Variants in MIS18BP1 observed in about 807,000 individuals in gnomAD.
The protein encoded by MIS18BP1 is mis18-binding protein 1.
MIS18BP1 carries 72 observed loss-of-function variants against 116.1 expected under a neutral mutation model. The observed-to-expected ratio is 0.62, with a 90% CI of 0.51 to 0.75. MIS18BP1 has a LOEUF of 0.75. Ranked by LOEUF, MIS18BP1 falls within the 30% of genes least tolerant of loss-of-function variation. The pLI is 0.00. For synonymous variants in MIS18BP1, 386 were observed against 427.0 expected (o/e 0.90, Z 1.18); for missense variants, 1,363 against 1,303.2 (o/e 1.05, Z -0.71).
intron 11 of MIS18BP1, among the ~76,000 whole-genome samples, chr14:45,219,121 T>A (rs186681857): frequency 1.6e-4 from 25 of 152,304 alleles, no homozygotes; most frequent in African/African-American, 5.8e-4. Flanking sequence ...GTGGTTAGAT[T>A]GACAATTTAG....
At position 45,206,180 on chromosome 14, in the gene MIS18BP1, T is replaced by C; in HGVS notation, c.3153-10A>G. The stretch of plus-strand genomic sequence containing the variant: ...TTTATCACAGTCATTCCTGTTTGAA[T>C]ACGAAATAATTTTAAGTCAACAATA... On this transcript the variant is annotated splice_polypyrimidine_tract_variant and intron_variant, in intron 14 of 16. Coordinates refer to ENST00000310806, the MANE Select transcript of MIS18BP1 (RefSeq NM_018353.5). The C allele has an allele frequency of 6.5e-7, 1 of 1,547,906 alleles. No individual in the cohort carries two copies. The highest frequency in any genetic ancestry group is 1.2e-5 in the South Asian group (1 of 86,402).
In MIS18BP1 at chr14:45,222,220, CATTTA is replaced by C. The variant is rs1386646203; in HGVS notation, c.2669+1693_2669+1697del. Among the ~76,000 whole-genome samples the C allele has an allele frequency of 4.6e-5, 7 of 151,960 alleles. No homozygotes were observed. In the East Asian group the frequency reaches 1.4e-3, roughly 29 times the overall value. On this transcript the variant is annotated intron_variant, in intron 11 of 16. Coordinates refer to ENST00000310806, the MANE Select transcript of MIS18BP1 (RefSeq NM_018353.5). ...TGTCTTTTAATTGGTATGTTTAGAC[CATTTA>C]ATTTAATTATGTTGGATTTAGGTCA... is the stretch of plus-strand genomic sequence containing the variant.
In MIS18BP1 at chr14:45,242,886, T is replaced by A. The variant is rs1031054434; in HGVS notation, c.545-12A>T. 1 of 1,532,724 alleles carries A rather than the reference T, an allele frequency of 6.5e-7. No individual in the cohort carries two copies. The highest frequency in any genetic ancestry group is 1.2e-5 in the South Asian group (1 of 83,918). 94.9% of individuals were successfully genotyped at this position (1,532,724 alleles called of 1,614,324 possible). A position where few individuals can be genotyped will look rare whatever the true frequency, so the allele number is the denominator to read the frequency against. ...TCCTTGGACTGAGGCTAAGGTTTTA[T>A]TTTTTAAAGAAAGAAGAAGTTGAAT... On this transcript the variant is annotated splice_polypyrimidine_tract_variant and intron_variant, in intron 2 of 16. Transcript: ENST00000310806.
Position 45,231,202 on chromosome 14 carries a change from T to A in MIS18BP1, c.1533A>T (p.Glu511Asp), listed in dbSNP as rs777631932. ...IRKSMKNDAR[E>D]NQTDTAQRAT... Reference sequence around the variant, plus strand: ...CTCTTTGAGCAGTATCTGTTTGGTTTTCTCGTGCATCATTTTTCATTGATT... The same window carrying A: ...CTCTTTGAGCAGTATCTGTTTGGTTATCTCGTGCATCATTTTTCATTGATT... The change falls in exon 8 of 17, where the codon GAA becomes GAT. Residue 511 changes from glutamate (E) to aspartate (D), a missense_variant. Transcript: ENST00000310806. 1 of 1,613,936 alleles carries A rather than the reference T, an allele frequency of 6.2e-7. No homozygotes were observed. The highest frequency in any genetic ancestry group is 1.1e-5 in the South Asian group (1 of 91,072).
intron 14 of MIS18BP1, 32 bp from the exon 15 acceptor site, chr14:45,206,202 A>G: frequency 6.9e-7 from 1 of 1,444,884 alleles, no homozygotes; most frequent in Non-Finnish European, 9.6e-7. Flanking sequence ...TTAAGTCAAC[A>G]ATATTTTTAA....
Position 45,242,762 on chromosome 14 carries a change from G to GA in MIS18BP1, c.656_657insT (p.Glu220ArgfsTer24). ...GAAAACAAACCAAAAATAGTTTACC[G>GA]TAAGTTAAATTGTGCAGTGGTGCTT... On this transcript the variant is annotated frameshift_variant and splice_region_variant, in exon 3 of 17. Transcript: ENST00000310806. LOFTEE classifies it high-confidence loss of function. The GA allele has an allele frequency of 6.3e-7, 1 of 1,599,636 alleles. No homozygotes were observed. Among genetic ancestry groups the GA allele is most frequent in the South Asian group, 1.1e-5 (1 of 88,496 alleles).
At chr14:45,241,924 CA>C (rs1891585644) in intron 4 of MIS18BP1, 109 bp downstream of exon 4, 2 of 1,174,158 alleles carry the variant, frequency 1.7e-6, no homozygotes, top group Non-Finnish European at 1.2e-6. Flanking sequence ...ATGAAGCATA[CA>C]GGTTCAAATC....
At chr14:45,225,232 A>T (rs1891093096) in intron 10 of MIS18BP1, among the ~76,000 whole-genome samples, 1 of 152,078 alleles carries the variant, frequency 6.6e-6, no homozygotes, top group African/African-American at 2.4e-5. Context: ...ACTTGTACAC[A>T]TTCCCTACAC....
chr14:45,239,642 C>G (rs539835529), intron 4 of MIS18BP1, among the ~76,000 whole-genome samples: 2 of 152,034 alleles, frequency 1.3e-5, no homozygotes, highest in Admixed American at 6.6e-5. Context: ...CTGAACAGAA[C>G]GACAAAATTT....
At chr14:45,227,615 C>A in intron 9 of MIS18BP1, 48 bp downstream of exon 9, 1 of 1,509,794 alleles carries the variant, frequency 6.6e-7, no homozygotes, top group Non-Finnish European at 9.1e-7. Flanking sequence ...TAGTAAATCA[C>A]CCTTCTAAAT....
chr14:45,247,593 G>C (rs1359320184), intron 1 of MIS18BP1, among the ~76,000 whole-genome samples: 3 of 152,016 alleles, frequency 2.0e-5, no homozygotes, highest in Admixed American at 6.6e-5. Flanking sequence ...CTAGCTACTT[G>C]GGAGGCTGAG....
intron 6 of MIS18BP1, 84 bp downstream of exon 6, chr14:45,235,730 G>C: frequency 8.5e-7 from 1 of 1,176,702 alleles, no homozygotes; most frequent in Non-Finnish European, 1.1e-6. Flanking sequence ...CTAATTAAAA[G>C]TTAAAAAAAT....
chr14:45,236,228 C>G (rs1891426041), intron 5 of MIS18BP1, among the ~76,000 whole-genome samples: 1 of 152,162 alleles, frequency 6.6e-6, no homozygotes, highest in African/African-American at 2.4e-5. Context: ...GCAATAAATA[C>G]TTGCAGCTTC....
intron 15 of MIS18BP1, 60 bp downstream of exon 15, chr14:45,206,023 C>CGTG (rs1890505676): frequency 9.3e-7 from 1 of 1,077,182 alleles, no homozygotes; most frequent in Non-Finnish European, 1.4e-6. Context: ...ACAACTACCA[C>CGTG]AGTTTATCAC....
chr14:45,210,648 T>A, intron 13 of MIS18BP1, 120 bp from the exon 14 acceptor site: 1 of 1,209,722 alleles, frequency 8.3e-7, no homozygotes, highest in Non-Finnish European at 1.2e-6. Flanking sequence ...GTTAGATAAT[T>A]AAAAACAGTA....
chr14:45,249,006 A>G (rs982429485), intron 1 of MIS18BP1, among the ~76,000 whole-genome samples: 2 of 151,852 alleles, frequency 1.3e-5, no homozygotes, highest in Non-Finnish European at 2.9e-5. Flanking sequence ...CCTGGGCTCA[A>G]GCAATCCTCC....
intron 4 of MIS18BP1, among the ~76,000 whole-genome samples, chr14:45,240,428 G>C (rs1054534475): frequency 1.3e-5 from 2 of 151,840 alleles, no homozygotes; most frequent in African/African-American, 2.4e-5. Flanking sequence ...TAAGGACATT[G>C]CCCTTTCAAT....
intron 11 of MIS18BP1, among the ~76,000 whole-genome samples, chr14:45,221,440 A>T (rs535700319): frequency 6.6e-6 from 1 of 151,776 alleles, no homozygotes; most frequent in Non-Finnish European, 1.5e-5. Context: ...CCGTCTCAAA[A>T]ATAAATAAAT....
chr14:45,205,293 C>T (rs1473111532), intron 15 of MIS18BP1, among the ~76,000 whole-genome samples: 1 of 152,042 alleles, frequency 6.6e-6, no homozygotes, highest in African/African-American at 2.4e-5. Flanking sequence ...CATTGTCATA[C>T]CACACATGAA....
Sources: gnomAD v4.1 joint callset for allele counts (sites outside exome capture counted in the v4.1 genomes callset) on GRCh38, gnomAD v4.1.1 for gene constraint, MANE v1.5 for transcripts, NCBI Gene and HGNC (gene_info 2026-07-23, HGNC 2026-07-21) for gene names.